Variants in SH3GL3 observed in about 807,000 individuals in gnomAD.
The protein encoded by SH3GL3 is SH3 domain containing GRB2 like 3, endophilin A3.
Under a neutral mutation model 47.7 loss-of-function variants are expected in SH3GL3, and 33 were observed. That is an observed-to-expected ratio of 0.69 (90% CI 0.52 to 0.92). The LOEUF (loss-of-function observed/expected upper bound fraction) is 0.92. Among genes scored for constraint, SH3GL3 ranks in the 40% least tolerant of loss-of-function variants. The probability of loss-of-function intolerance (pLI) is 0.00; values close to 1 mark genes in which losing one functional copy is unlikely to be tolerated. For missense variants in SH3GL3, 363 were observed against 417.8 expected (o/e 0.87, Z 1.14); for synonymous variants, 155 against 148.8 (o/e 1.04, Z -0.30).
chr15:83,491,803 T>C (rs1835176232), intron 1 of SH3GL3, among the ~76,000 whole-genome samples: 1 of 152,138 alleles, frequency 6.6e-6, no homozygotes, highest in Non-Finnish European at 1.5e-5. Context: ...TTGGTCGGCT[T>C]GGGAATATGC....
At chr15:83,608,111 G>A (rs2060575219) in intron 8 of SH3GL3, among the ~76,000 whole-genome samples, 1 of 152,086 alleles carries the variant, frequency 6.6e-6, no homozygotes, top group South Asian at 2.1e-4. Context: ...TGGCATTAAG[G>A]TTAACATAAA....
intron 1 of SH3GL3, among the ~76,000 whole-genome samples, chr15:83,526,008 T>G (rs943970618): frequency 1.3e-5 from 2 of 152,212 alleles, no homozygotes; most frequent in African/African-American, 4.8e-5. Flanking sequence ...ATTTGGGCTC[T>G]TTTTTGGTTC....
At chr15:83,586,500 C>T (rs1181302037) in intron 6 of SH3GL3, among the ~76,000 whole-genome samples, 1 of 152,144 alleles carries the variant, frequency 6.6e-6, no homozygotes, top group Non-Finnish European at 1.5e-5. Flanking sequence ...CATGTTGCTC[C>T]CTGGCCCCCT....
intron 8 of SH3GL3, among the ~76,000 whole-genome samples, chr15:83,601,331 G>A (rs2060372779): frequency 6.6e-6 from 1 of 152,142 alleles, no homozygotes; most frequent in Non-Finnish European, 1.5e-5. Context: ...TTGGCTGTGG[G>A]TTTTTCATAG....
At chr15:83,519,625 ACTT>A (rs1465461667) in intron 1 of SH3GL3, among the ~76,000 whole-genome samples, 23 of 152,096 alleles carry the variant, frequency 1.5e-4, no homozygotes, top group South Asian at 2.1e-4. Flanking sequence ...AAATACTTTC[ACTT>A]CTTTTCCTAT....
chr15:83,487,458 A>G (rs979865597), intron 1 of SH3GL3, among the ~76,000 whole-genome samples: 1 of 151,874 alleles, frequency 6.6e-6, no homozygotes, highest in Admixed American at 6.6e-5. Context: ...TATGTGGACT[A>G]TTTTGGGGGA....
At chr15:83,473,876 A>G (rs1002381460) in intron 1 of SH3GL3, among the ~76,000 whole-genome samples, 2 of 143,302 alleles carry the variant, frequency 1.4e-5, no homozygotes, top group African/African-American at 2.6e-5. Flanking sequence ...TTTTATGTCC[A>G]TGCGCATTTC....
In SH3GL3 at chr15:83,447,674, C is replaced by T; in HGVS notation, c.45+96C>T. ...TTTGGGACTCCTGTTCCCTGAAGGG[C>T]CTCTCTCGGGGCTCAATTTCTTCCC... On this transcript the variant is annotated intron_variant, in intron 1 of 8. Transcript: ENST00000427482. The surrounding 1 kb of genome is among the most constrained non-coding windows in gnomAD (Gnocchi z 5.1). 1.2e-6 allele frequency: 1 copy of T among 865,772 alleles called. No homozygotes were observed. Among genetic ancestry groups the T allele is most frequent in the South Asian group, 2.3e-5 (1 of 43,546 alleles). The allele number at this position is 865,772 out of a possible 1,614,324, so 53.6% of individuals were successfully genotyped here.
At chr15:83,591,483 T>TA (rs1485116164) in intron 8 of SH3GL3, among the ~76,000 whole-genome samples, 1 of 151,478 alleles carries the variant, frequency 6.6e-6, no homozygotes, top group East Asian at 1.9e-4. Flanking sequence ...GTTTTTTTTT[T>TA]TCATTTAAAA....
At chr15:83,531,127 T>C (rs2043649778) in intron 1 of SH3GL3, among the ~76,000 whole-genome samples, 1 of 152,208 alleles carries the variant, frequency 6.6e-6, no homozygotes, top group Non-Finnish European at 1.5e-5. Context: ...TCTTGAGCAG[T>C]AGCTGGTCAG....
chr15:83,485,548 A>G (rs1213392434), intron 1 of SH3GL3, among the ~76,000 whole-genome samples: 2 of 152,160 alleles, frequency 1.3e-5, no homozygotes, highest in South Asian at 4.1e-4. Flanking sequence ...CAGCAGCATG[A>G]TCATGGCTCC....
chr15:83,616,882 T>C lies in SH3GL3; in HGVS notation c.839-1200T>C, dbSNP rs114015954. Among the ~76,000 whole-genome samples, 1,207 of 152,190 alleles carry C rather than the reference T, an allele frequency of 7.9e-3. 13 individuals carry two copies. The highest frequency in any genetic ancestry group is 0.027 in the African/African-American group (1,118 of 41,536). On this transcript the variant is annotated intron_variant, in intron 8 of 8. Coordinates refer to ENST00000427482, the MANE Select transcript of SH3GL3 (RefSeq NM_003027.5). Reference sequence around the variant, plus strand: ...AAGGAAAAGAAAGAAGAACCGTAAATGTCCAACAATAGGAGATTAGTTGAA... The same window carrying C: ...AAGGAAAAGAAAGAAGAACCGTAAACGTCCAACAATAGGAGATTAGTTGAA...
chr15:83,587,960 T>C (rs17158789), intron 7 of SH3GL3, among the ~76,000 whole-genome samples: 4,574 of 152,262 alleles, frequency 0.03, 232 homozygotes, highest in African/African-American at 0.1. Context: ...AGGCAGATAG[T>C]TTACCTGTTA....
chr15:83,630,928 A>G, the SH3GL3 span, among the ~76,000 whole-genome samples: 1 of 152,184 alleles, frequency 6.6e-6, no homozygotes, highest in Admixed American at 6.5e-5. Flanking sequence ...GTCCAAGTCC[A>G]AAGTCTCATC....
intron 1 of SH3GL3, among the ~76,000 whole-genome samples, chr15:83,535,936 G>A (rs1451610143): frequency 6.6e-6 from 1 of 152,182 alleles, no homozygotes; most frequent in Middle Eastern, 3.2e-3. Context: ...CTGGAAACTA[G>A]AGAAGGGCAT....
intron 1 of SH3GL3, among the ~76,000 whole-genome samples, chr15:83,552,820 T>C (rs2044731807): frequency 6.6e-6 from 1 of 152,232 alleles, no homozygotes; most frequent in African/African-American, 2.4e-5. Context: ...GCTGTAATTG[T>C]GGGTTTATCA....
At chr15:83,606,211 T>G (rs2151837069) in intron 8 of SH3GL3, among the ~76,000 whole-genome samples, 1 of 152,286 alleles carries the variant, frequency 6.6e-6, no homozygotes, top group African/African-American at 2.4e-5. Context: ...CAGAGTGAGT[T>G]GAAATAAATC....
chr15:83,513,818 G>A (rs1031780790), intron 1 of SH3GL3, among the ~76,000 whole-genome samples: 6 of 152,150 alleles, frequency 3.9e-5, no homozygotes, highest in Non-Finnish European at 7.3e-5. Flanking sequence ...AATAAGGATC[G>A]TAAATGGATG....
At chr15:83,499,799 A>G (rs1423977036) in intron 1 of SH3GL3, among the ~76,000 whole-genome samples, 1 of 152,240 alleles carries the variant, frequency 6.6e-6, no homozygotes, top group Non-Finnish European at 1.5e-5. Flanking sequence ...AAATCCTATC[A>G]GTACACAGGA....
Sources: gnomAD v4.1 joint callset for allele counts (sites outside exome capture counted in the v4.1 genomes callset) on GRCh38, gnomAD v4.1.1 for gene constraint, Gnocchi (gnomAD v3.1) non-coding constraint, MANE v1.5 for transcripts, NCBI Gene and HGNC (gene_info 2026-07-23, HGNC 2026-07-21) for gene names.